MICU2: variants seen among roughly 807,000 people sequenced by gnomAD.
MICU2 encodes the protein mitochondrial calcium uptake 2.
In MICU2, 64 loss-of-function variants were observed where a neutral mutation model predicts 60.4. The observed-to-expected ratio is 1.06, with a 90% confidence interval of 0.87 to 1.31. The LOEUF (loss-of-function observed/expected upper bound fraction) is 1.31. Among genes scored for constraint, MICU2 ranks in the 50% most tolerant of loss-of-function variants. MICU2 has a pLI of 0.00. For synonymous variants in MICU2, 201 were observed against 175.0 expected (o/e 1.15, Z -1.17); for missense variants, 569 against 531.0 (o/e 1.07, Z -0.70).
At chr13:21,539,194 A>T in intron 4 of MICU2, 108 bp downstream of exon 4, 1 of 940,462 alleles carries the variant, frequency 1.1e-6, no homozygotes, top group Non-Finnish European at 1.6e-6. Flanking sequence ...TTCATGTTTT[A>T]AAAACACCTA....
At chr13:21,524,829 A>G (rs1886807568) in intron 4 of MICU2, among the ~76,000 whole-genome samples, 1 of 152,140 alleles carries the variant, frequency 6.6e-6, no homozygotes, top group Non-Finnish European at 1.5e-5. Flanking sequence ...TGTCTCTGTG[A>G]CGTTGCCTAT....
chr13:21,580,393 A>C (rs1888321258), intron 1 of MICU2, among the ~76,000 whole-genome samples: 1 of 152,216 alleles, frequency 6.6e-6, no homozygotes, highest in South Asian at 2.1e-4. Flanking sequence ...GGACAGAGCT[A>C]GCATTTGGGT....
chr13:21,495,154 C>A lies in MICU2; in HGVS notation c.1200+7G>T. On this transcript the variant is annotated splice_region_variant and intron_variant, in intron 11 of 11. Coordinates refer to ENST00000382374, the MANE Select transcript of MICU2 (RefSeq NM_152726.3). ...TAAACATGTATTATATAAAAAAAAT[C>A]TGTTACCCATAAACCTCGATGCATT... 6.3e-7 allele frequency: 1 copy of A among 1,587,792 alleles called. No individual in the cohort carries two copies. The highest frequency in any genetic ancestry group is 1.2e-5 in the South Asian group (1 of 86,554).
intron 9 of MICU2, among the ~76,000 whole-genome samples, chr13:21,496,978 T>C (rs888068301): frequency 4.3e-4 from 66 of 151,814 alleles, no homozygotes; most frequent in Non-Finnish European, 4.4e-4. Context: ...AGGAGAATGG[T>C]GTGAACCCAG....
Position 21,604,086 on chromosome 13 carries a change from C to A in MICU2, c.63G>T (p.Gly21=). 1.3e-6 allele frequency: 2 copies of A among 1,596,170 alleles called. No homozygotes were observed. The highest frequency in any genetic ancestry group is 1.7e-6 in the Non-Finnish European group (2 of 1,173,016). ...GCACAGCCTGTCGGCTGACAGCGAGCCCCCGTCGCAGTTTTCCGCCCCAGG... is the reference window on the plus strand; with the variant it reads ...GCACAGCCTGTCGGCTGACAGCGAGACCCCGTCGCAGTTTTCCGCCCCAGG... ...VAAWGGKLRR[G]LAVSRQAVRS... is the part of the protein sequence containing the mutation. Residue 21 remains glycine, a synonymous_variant, in exon 1 of 12, where the codon GGG becomes GGT. Coordinates refer to ENST00000382374, the MANE Select transcript of MICU2 (RefSeq NM_152726.3).
chr13:21,573,459 G>C (rs933223452), intron 1 of MICU2, among the ~76,000 whole-genome samples: 2 of 151,896 alleles, frequency 1.3e-5, no homozygotes, highest in Non-Finnish European at 2.9e-5. Flanking sequence ...TTTTTAGTAG[G>C]GACGGGGTTT....
intron 1 of MICU2, among the ~76,000 whole-genome samples, chr13:21,587,518 C>T (rs1888484784): frequency 6.6e-6 from 1 of 152,136 alleles, no homozygotes; most frequent in African/African-American, 2.4e-5. Context: ...AAACATTAAC[C>T]AAACCTAAAT....
rs536072102 is a variant in MICU2, at chr13:21,566,833, C to A, written c.322G>T (p.Asp108Tyr). 5.6e-6 allele frequency: 9 copies of A among 1,608,028 alleles called. No individual in the cohort carries two copies. The South Asian group carries it at 8.9e-5, about 16-fold the overall frequency. The change falls in exon 2 of 12, where the codon GAC becomes TAC. Residue 108 changes from aspartate to tyrosine, a missense_variant. By Grantham distance (160) the Asp-to-Tyr change is radical. Transcript: ENST00000382374. ...HEGEYYMTPR[D>Y]FLFSVMFEQM... is the part of the protein sequence containing the mutation. ...TCAAACATCACTGAGAAGAGGAAGTCTCGTGGTGTCATATAATATTCTCCT... is the reference window on the plus strand; with the variant it reads ...TCAAACATCACTGAGAAGAGGAAGTATCGTGGTGTCATATAATATTCTCCT...
chr13:21,538,354 G>A (rs115853029), intron 4 of MICU2, among the ~76,000 whole-genome samples: 2 of 151,960 alleles, frequency 1.3e-5, no homozygotes, highest in Non-Finnish European at 2.9e-5. Context: ...AGGACTGCTT[G>A]AGCCCAGGAG....
intron 1 of MICU2, among the ~76,000 whole-genome samples, chr13:21,594,252 A>G (rs915439964): frequency 6.6e-6 from 1 of 152,216 alleles, no homozygotes; most frequent in African/African-American, 2.4e-5. Context: ...AAAAGAAGAC[A>G]TTTACACGGC....
chr13:21,587,967 T>C (rs1888494520), intron 1 of MICU2, among the ~76,000 whole-genome samples: 1 of 152,196 alleles, frequency 6.6e-6, no homozygotes, highest in African/African-American at 2.4e-5. Context: ...CTGCTTTCTC[T>C]GAACATGAAG....
chr13:21,525,215 T>C (rs1007439461), intron 4 of MICU2, among the ~76,000 whole-genome samples: 1 of 119,806 alleles, frequency 8.3e-6, no homozygotes. Flanking sequence ...TTTTTTGAGA[T>C]GGAGTCTTGC....
intron 4 of MICU2, among the ~76,000 whole-genome samples, chr13:21,528,066 A>G (rs1886899409): frequency 6.6e-6 from 1 of 152,224 alleles, no homozygotes; most frequent in Non-Finnish European, 1.5e-5. Flanking sequence ...ATTTATATTC[A>G]GTATATTTTT....
At chr13:21,552,227 G>A (rs1374555496) in intron 2 of MICU2, among the ~76,000 whole-genome samples, 1 of 152,148 alleles carries the variant, frequency 6.6e-6, no homozygotes, top group Admixed American at 6.5e-5. Context: ...CTGCATAAAT[G>A]TCTTCTTTTG....
Position 21,510,013 on chromosome 13 carries a change from T to G in MICU2, c.752A>C (p.Glu251Ala). The change falls in exon 8 of 12, where the codon GAA becomes GCA. Residue 251 changes from glutamate to alanine, a missense_variant. Glu to Ala is a moderately radical substitution (Grantham distance 107). Coordinates refer to ENST00000382374, the MANE Select transcript of MICU2 (RefSeq NM_152726.3). ...KRGQRKLHYK[E>A]FRRFMENLQT... Reference sequence around the variant, plus strand: ...AAATATTTGCATTTACCTTCGAAATTCTTTATAATGAAGTTTTCTTTGTCC... The same window carrying G: ...AAATATTTGCATTTACCTTCGAAATGCTTTATAATGAAGTTTTCTTTGTCC... The G allele has an allele frequency of 6.5e-7, 1 of 1,529,166 alleles. No homozygotes were observed. Among genetic ancestry groups the G allele is most frequent in the Non-Finnish European group, 8.7e-7 (1 of 1,143,334 alleles). 94.7% of individuals were successfully genotyped at this position (1,529,166 alleles called of 1,614,324 possible).
chr13:21,562,436 G>T (rs1321093385), intron 2 of MICU2, among the ~76,000 whole-genome samples: 1 of 131,866 alleles, frequency 7.6e-6, no homozygotes, highest in Non-Finnish European at 1.8e-5. Flanking sequence ...CTTGAGTTTT[G>T]TTTCATTTTT....
intron 8 of MICU2, among the ~76,000 whole-genome samples, chr13:21,508,823 T>C (rs1044442162): frequency 5.9e-5 from 9 of 152,258 alleles, no homozygotes; most frequent in African/African-American, 2.2e-4. Context: ...TTAGTATTTC[T>C]TCTGGAAAGC....
At chr13:21,534,362 T>C (rs934175240) in intron 4 of MICU2, among the ~76,000 whole-genome samples, 15 of 152,038 alleles carry the variant, frequency 9.9e-5, no homozygotes, top group African/African-American at 3.4e-4. Flanking sequence ...TGAGCCACCA[T>C]GTGCAGCTAA....
chr13:21,593,571 CAAAAAAAAAAAA>C (rs71093338), intron 1 of MICU2, among the ~76,000 whole-genome samples: 1 of 63,030 alleles, frequency 1.6e-5, no homozygotes, highest in African/African-American at 6.7e-5. Flanking sequence ...CAATCCTAAG[CAAAAAAAAAAAA>C]AAAAAAAAAA....
Sources: gnomAD v4.1 joint callset for allele counts (sites outside exome capture counted in the v4.1 genomes callset) on GRCh38, gnomAD v4.1.1 for gene constraint, MANE v1.5 for transcripts, NCBI Gene and HGNC (gene_info 2026-07-23, HGNC 2026-07-21) for gene names.